The following GPC5 variants were observed in gnomAD, a reference collection of about 807,000 sequenced individuals.
The protein encoded by GPC5 is glypican 5.
A neutral mutation model predicts 53.9 loss-of-function variants in GPC5; 47 were observed. That is an observed-to-expected ratio of 0.87 (90% confidence interval 0.69 to 1.11). The LOEUF (loss-of-function observed/expected upper bound fraction) is 1.11, where lower values mean the gene tolerates loss of function less well. GPC5 is among the 50% of genes most tolerant of loss of function. The probability of loss-of-function intolerance (pLI) is 0.00; values close to 1 mark genes in which losing one functional copy is unlikely to be tolerated. For missense variants in GPC5, 748 were observed against 713.1 expected, an observed-to-expected ratio of 1.05 and a Z score of -0.56; for synonymous variants, 286 against 263.3, an observed-to-expected ratio of 1.09 and a Z score of -0.84.
chr13:92,191,211 C>T (rs967792914), intron 7 of GPC5, among the ~76,000 whole-genome samples: 5 of 152,076 alleles, frequency 3.3e-5, no homozygotes, highest in East Asian at 1.9e-4. Flanking sequence ...TGTCAAAATA[C>T]GTCAGGCAAA....
At chr13:91,417,598 A>G (rs555786941) in intron 1 of GPC5, among the ~76,000 whole-genome samples, 1 of 152,318 alleles carries the variant, frequency 6.6e-6, no homozygotes, top group South Asian at 2.1e-4. Context: ...AACACTGGAT[A>G]CAGGGACTTC....
intron 5 of GPC5, among the ~76,000 whole-genome samples, chr13:91,839,314 T>TAA (rs1411671828): frequency 6.6e-6 from 1 of 152,140 alleles, no homozygotes. Flanking sequence ...TTCAGTATGA[T>TAA]AACAGACATT....
chr13:92,729,505 T>C (rs184956164), intron 7 of GPC5, among the ~76,000 whole-genome samples: 2 of 151,564 alleles, frequency 1.3e-5, no homozygotes, highest in African/African-American at 4.8e-5. Context: ...TTTACCTTTT[T>C]CTTTTTCATC....
chr13:91,907,501 C>A lies in GPC5; in HGVS notation c.1281-436C>A, dbSNP rs199620467. ...TAGGCTACTCTCTCTCTCTCTCTCTCTTTATATATATATATATATATATAG... is the reference window on the plus strand; with the variant it reads ...TAGGCTACTCTCTCTCTCTCTCTCTATTTATATATATATATATATATATAG... On this transcript the variant is annotated intron_variant, in intron 5 of 7. Coordinates refer to ENST00000377067, the MANE Select transcript of GPC5 (RefSeq NM_004466.6). Among the ~76,000 whole-genome samples, 373 of 59,976 alleles carry A rather than the reference C, an allele frequency of 6.2e-3. 2 individuals carry two copies. The highest frequency in any genetic ancestry group is 9.1e-3 in the Middle Eastern group (1 of 110). 39.3% of individuals were successfully genotyped at this position (59,976 alleles called of 152,430 possible). A position where few individuals can be genotyped will look rare whatever the true frequency, so the allele number is the denominator to read the frequency against.
intron 7 of GPC5, among the ~76,000 whole-genome samples, chr13:92,274,289 C>T (rs1329251549): frequency 6.6e-6 from 1 of 152,062 alleles, no homozygotes; most frequent in Non-Finnish European, 1.5e-5. Flanking sequence ...TCTTCTCTTA[C>T]TACTCCTTGC....
intron 7 of GPC5, among the ~76,000 whole-genome samples, chr13:92,259,784 G>A (rs181621790): frequency 1.3e-5 from 2 of 152,256 alleles, no homozygotes; most frequent in Admixed American, 6.5e-5. Flanking sequence ...CTTGGGCAAA[G>A]CATTCTTCAC....
chr13:92,081,469 AT>A (rs2041294861), intron 6 of GPC5, among the ~76,000 whole-genome samples: 1 of 152,192 alleles, frequency 6.6e-6, no homozygotes, highest in Non-Finnish European at 1.5e-5. Context: ...ATAATGATGA[AT>A]AAATGGATTT....
At chr13:92,454,000 C>T (rs7318720) in intron 7 of GPC5, among the ~76,000 whole-genome samples, 83,915 of 151,918 alleles carry the variant, frequency 0.55, 23,708 homozygotes, top group African/African-American at 0.67. Context: ...AGAGTATCTC[C>T]TTCAGGGTCA....
intron 7 of GPC5, among the ~76,000 whole-genome samples, chr13:92,297,837 C>T (rs557378957): frequency 9.2e-5 from 14 of 152,070 alleles, no homozygotes; most frequent in Admixed American, 3.9e-4. Flanking sequence ...CTTGCTACTG[C>T]TCACTCTTTG....
chr13:92,497,688 C>T (rs886247994), intron 7 of GPC5, among the ~76,000 whole-genome samples: 5 of 151,862 alleles, frequency 3.3e-5, no homozygotes, highest in Admixed American at 6.6e-5. Context: ...CTATAAATTA[C>T]TTTGGGCAGT....
At chr13:91,489,226 T>A (rs618715) in intron 2 of GPC5, among the ~76,000 whole-genome samples, 2 of 152,140 alleles carry the variant, frequency 1.3e-5, no homozygotes, top group African/African-American at 2.4e-5. Context: ...ACTCACACCC[T>A]ATTCGTACAC....
chr13:91,463,335 T>C (rs556819381), intron 2 of GPC5, among the ~76,000 whole-genome samples: 1 of 152,262 alleles, frequency 6.6e-6, no homozygotes, highest in South Asian at 2.1e-4. Context: ...AGTACATGGT[T>C]GGTTGAATCC....
intron 6 of GPC5, among the ~76,000 whole-genome samples, chr13:91,952,135 A>G (rs1445637093): frequency 6.6e-6 from 1 of 152,050 alleles, no homozygotes; most frequent in African/African-American, 2.4e-5. Context: ...GAATACAGAA[A>G]TCAGTCTTGT....
chr13:92,185,495 C>A (rs1000115246), intron 7 of GPC5, among the ~76,000 whole-genome samples: 1 of 152,006 alleles, frequency 6.6e-6, no homozygotes, highest in African/African-American at 2.4e-5. Flanking sequence ...TAAAGTCATA[C>A]TTTAGAGCAT....
intron 6 of GPC5, among the ~76,000 whole-genome samples, chr13:92,107,451 G>A (rs1021182073): frequency 1.3e-5 from 2 of 152,024 alleles, no homozygotes; most frequent in Admixed American, 6.6e-5. Context: ...ACTTGAAAGA[G>A]TTCTTAATAA....
chr13:92,760,965 T>G (rs1345417250), intron 7 of GPC5, among the ~76,000 whole-genome samples: 2 of 152,196 alleles, frequency 1.3e-5, no homozygotes, highest in Non-Finnish European at 2.9e-5. Flanking sequence ...TTTTCCAAAA[T>G]TCTTCCTCTT....
At chr13:92,022,229 G>A (rs1378120291) in intron 6 of GPC5, among the ~76,000 whole-genome samples, 1 of 152,012 alleles carries the variant, frequency 6.6e-6, no homozygotes, top group African/African-American at 2.4e-5. Context: ...TCAAACTCCT[G>A]ACCTCAAGTG....
At chr13:92,855,435 G>A (rs1330954021) in intron 7 of GPC5, among the ~76,000 whole-genome samples, 2 of 151,824 alleles carry the variant, frequency 1.3e-5, no homozygotes, top group Admixed American at 6.6e-5. Context: ...TCCAAGTGTT[G>A]TAATTACATT....
chr13:92,662,342 G>A (rs116804159), intron 7 of GPC5, among the ~76,000 whole-genome samples: 2,306 of 152,234 alleles, frequency 0.015, 58 homozygotes, highest in African/African-American at 0.053. Flanking sequence ...CTACTTCCAT[G>A]CTAGAACAGG....
Sources: allele counts gnomAD v4.1 joint callset (sites outside exome capture counted in the v4.1 genomes callset), GRCh38; gene constraint gnomAD v4.1.1; transcripts MANE v1.5; gene names NCBI Gene and HGNC (gene_info 2026-07-23, HGNC 2026-07-21).